Variants in NPRL3 observed in about 807,000 individuals in gnomAD.
NPRL3 encodes the protein NPR3 like, GATOR1 complex subunit.
Under a neutral mutation model 57.2 loss-of-function variants are expected in NPRL3, and 23 were observed. The ratio of observed to expected loss-of-function variants is 0.40; its 90% CI spans 0.29 to 0.57. The LOEUF (loss-of-function observed/expected upper bound fraction) is 0.57. Among genes scored for constraint, NPRL3 ranks in the 20% least tolerant of loss-of-function variants. The probability of loss-of-function intolerance (pLI) is 0.42; values close to 1 mark genes in which losing one functional copy is unlikely to be tolerated. For synonymous variants in NPRL3, 333 were observed against 321.1 expected (o/e 1.04, Z -0.39); for missense variants, 691 against 767.1 (o/e 0.90, Z 1.17).
At chr16:124,606 C>T (rs556372585) in intron 3 of NPRL3, among the ~76,000 whole-genome samples, 1 of 152,172 alleles carries the variant, frequency 6.6e-6, no homozygotes, top group African/African-American at 2.4e-5. Context: ...AAAACTATAG[C>T]GTGTCATATG....
At position 86,819 on chromosome 16, in the gene NPRL3, G is replaced by A. The variant is rs763597112; in HGVS notation, c.1596C>T (p.Asn532=). The change falls in exon 14 of 14, where the codon AAC becomes AAT. Residue 532 remains asparagine, a synonymous_variant. Transcript: ENST00000611875. ...GCAGCTGGGAGCGCCGCGTGTTCTCGTTGTACATAATCTCCTCCAGGTGGT... is the reference window on the plus strand; with the variant it reads ...GCAGCTGGGAGCGCCGCGTGTTCTCATTGTACATAATCTCCTCCAGGTGGT... ...GRHHLEEIMY[N]ENTRRSQLLM... 17 of 1,613,272 alleles carry A rather than the reference G, an allele frequency of 1.1e-5. 1 individual carries two copies. The highest frequency in any genetic ancestry group is 3.3e-5 in the South Asian group (3 of 90,918).
At chr16:125,137 A>G (rs1900462871) in intron 3 of NPRL3, 1 of 156,182 alleles carries the variant, frequency 6.4e-6, no homozygotes, top group South Asian at 1.8e-4. Flanking sequence ...TCTGGGACAC[A>G]CTGCTTTCCA....
At position 85,849 on chromosome 16, in the gene NPRL3, G is replaced by A. The variant is rs1898443262; in HGVS notation, c.*856C>T. 3.6e-6 allele frequency: 5 copies of A among 1,391,224 alleles called. No homozygotes were observed. Among genetic ancestry groups the A allele is most frequent in the Non-Finnish European group, 3.7e-6 (4 of 1,069,710 alleles). 86.2% of individuals were successfully genotyped at this position (1,391,224 alleles called of 1,614,324 possible). On this transcript the variant is annotated 3_prime_UTR_variant, in exon 14 of 14. Transcript: ENST00000611875. Reference sequence around the variant, plus strand: ...ATAAATGTTTTATTTCTAGAAAACTGTGCCTTAGCCAGAGCTCCTCTAGGT... The same window carrying A: ...ATAAATGTTTTATTTCTAGAAAACTATGCCTTAGCCAGAGCTCCTCTAGGT...
chr16:116,787 A>AC (rs71391112), intron 5 of NPRL3, among the ~76,000 whole-genome samples: 21,053 of 85,648 alleles, frequency 0.25, 4,480 homozygotes, highest in African/African-American at 0.51. Flanking sequence ...ACATGGCGAG[A>AC]CCCCCCCCCC....
chr16:133,949 A>C (rs2141987499), intron 2 of NPRL3, among the ~76,000 whole-genome samples: 1 of 152,332 alleles, frequency 6.6e-6, no homozygotes, highest in South Asian at 2.1e-4. Flanking sequence ...GCCAGAATAC[A>C]CACAATTATT....
chr16:109,757 C>T lies in NPRL3; in HGVS notation c.629+768G>A, dbSNP rs1186808906. On this transcript the variant is annotated intron_variant, in intron 7 of 13. Coordinates refer to ENST00000611875, the MANE Select transcript of NPRL3 (RefSeq NM_001077350.3). ...CATCGAGTCTCGTGAAATTGTGGAT[C>T]TTAACCAGTATAACAGGTGGGGAAT... Among the ~76,000 whole-genome samples, 3 of 152,248 alleles carry T rather than the reference C, an allele frequency of 2.0e-5. No homozygotes were observed. In the East Asian group the frequency reaches 5.8e-4, roughly 29 times the overall value.
At chr16:89,956 G>A (rs988023589) in intron 11 of NPRL3, 54 bp from the exon 12 acceptor site, 1 of 1,483,508 alleles carries the variant, frequency 6.7e-7, no homozygotes, top group Non-Finnish European at 9.1e-7. Flanking sequence ...ACTTCCTCCT[G>A]GGTGATCAGG....
At position 89,844 on chromosome 16, in the gene NPRL3, T is replaced by C; in HGVS notation, c.1220A>G (p.His407Arg). Residue 407 changes from histidine (H) to arginine (R), a missense_variant, in exon 12 of 14, where the codon CAC (histidine) becomes CGC (arginine). His to Arg is a conservative substitution (Grantham distance 29). Coordinates refer to ENST00000611875, the MANE Select transcript of NPRL3 (RefSeq NM_001077350.3). Reference protein sequence around the residue: ...MLQRRLLIQLHTYVCLMASPS... With the variant: ...MLQRRLLIQLRTYVCLMASPS... ...TGAGGCCATCAGGCAGACATAGGTG[T>C]GCAGCTGGATGAGAAGCCGGCGCTG... is the stretch of plus-strand genomic sequence containing the variant. 1 of 1,576,336 alleles carries C rather than the reference T, an allele frequency of 6.3e-7. No homozygotes were observed. Among genetic ancestry groups the C allele is most frequent in the Non-Finnish European group, 8.6e-7 (1 of 1,162,552 alleles).
chr16:99,984 G>GAAAA (rs11402477), intron 8 of NPRL3, among the ~76,000 whole-genome samples: 1 of 115,860 alleles, frequency 8.6e-6, no homozygotes, highest in African/African-American at 4.0e-5. Flanking sequence ...AAAAGAAAAA[G>GAAAA]AAAAAAAAAA....
At chr16:126,539 T>C (rs1347745898) in intron 3 of NPRL3, among the ~76,000 whole-genome samples, 2 of 152,076 alleles carry the variant, frequency 1.3e-5, no homozygotes, top group African/African-American at 4.8e-5. Context: ...TTCTCTGAGG[T>C]AGTGGCCTAA....
chr16:112,786 G>C lies in NPRL3; in HGVS notation c.394-11C>G, dbSNP rs774168990. 8 of 1,586,168 alleles carry C rather than the reference G, an allele frequency of 5.0e-6. No individual in the cohort carries two copies. In the South Asian group the frequency reaches 9.1e-5, roughly 18 times the overall value. ...CGGGTCTGCGTTGGCCTGCAGGAGA[G>C]AGACCATACACAGACTCAAACGTGT... On this transcript the variant is annotated splice_polypyrimidine_tract_variant and intron_variant, in intron 5 of 13. Transcript: ENST00000611875.
intron 7 of NPRL3, among the ~76,000 whole-genome samples, chr16:106,290 G>A (rs536803083): frequency 4.6e-5 from 7 of 151,706 alleles, no homozygotes; most frequent in Admixed American, 1.3e-4. Flanking sequence ...CCTGGGTGAC[G>A]AAGCAAGACT....
At chr16:127,760 T>C (rs951802154) in intron 3 of NPRL3, among the ~76,000 whole-genome samples, 12 of 151,208 alleles carry the variant, frequency 7.9e-5, no homozygotes, top group African/African-American at 2.9e-4. Context: ...GTTCACGCCA[T>C]TCTCCTGCCT....
intron 7 of NPRL3, among the ~76,000 whole-genome samples, chr16:103,295 G>GTTTTTTTTTTTTTTTTTT (rs1331235205): frequency 6.3e-5 from 1 of 15,894 alleles, no homozygotes; most frequent in Non-Finnish European, 1.4e-4. Flanking sequence ...CGCCTGGGGT[G>GTTTTTTTTTTTTTTTTTT]ATTTTTTTTT....
chr16:113,260 C>T (rs1325217209), intron 5 of NPRL3, among the ~76,000 whole-genome samples: 1 of 152,186 alleles, frequency 6.6e-6, no homozygotes, highest in African/African-American at 2.4e-5. Context: ...AATTCAGTCA[C>T]GACAGGCCAC....
At chr16:110,004 C>T (rs1232182909) in intron 7 of NPRL3, among the ~76,000 whole-genome samples, 3 of 234 alleles carry the variant, frequency 0.013, no homozygotes, top group African/African-American at 0.048. Context: ...TGGCCGGGCG[C>T]GGTGCTCACG....
intron 7 of NPRL3, among the ~76,000 whole-genome samples, chr16:105,659 ATCACT>A (rs1899494645): frequency 2.0e-5 from 3 of 150,068 alleles, no homozygotes; most frequent in Admixed American, 2.0e-4. Flanking sequence ...CATTCAGCAA[ATCACT>A]TCTTCACACT....
chr16:122,827 G>A (rs897164542), intron 3 of NPRL3, among the ~76,000 whole-genome samples: 1 of 152,164 alleles, frequency 6.6e-6, no homozygotes, highest in African/African-American at 2.4e-5. Flanking sequence ...CTAAAGGGAT[G>A]GAAAGACATC....
At chr16:121,012 C>G (rs576204361) in intron 3 of NPRL3, among the ~76,000 whole-genome samples, 3 of 152,238 alleles carry the variant, frequency 2.0e-5, no homozygotes, top group African/African-American at 7.2e-5. Context: ...ACAGAGGTAA[C>G]AGAAAAATAA....
Sources: gnomAD v4.1 joint callset for allele counts (sites outside exome capture counted in the v4.1 genomes callset) on GRCh38, gnomAD v4.1.1 for gene constraint, MANE v1.5 for transcripts, NCBI Gene and HGNC (gene_info 2026-07-23, HGNC 2026-07-21) for gene names.